MIS18A: variants seen among roughly 807,000 people sequenced by gnomAD.
The protein encoded by MIS18A is MIS18 kinetochore protein A.
Under a neutral mutation model 25.0 loss-of-function variants are expected in MIS18A, and 14 were observed. That is an observed-to-expected ratio of 0.56 (90% confidence interval 0.37 to 0.88). The LOEUF (loss-of-function observed/expected upper bound fraction) is 0.88, where lower values mean the gene tolerates loss of function less well. MIS18A is among the 40% of genes least tolerant of loss of function. The pLI is 0.00. For missense variants in MIS18A, 292 were observed against 290.8 expected (o/e 1.00, Z -0.03); for synonymous variants, 134 against 118.6 (o/e 1.13, Z -0.84).
chr21:32,176,222 C>T, the MIS18A span, among the ~76,000 whole-genome samples: 1 of 152,130 alleles, frequency 6.6e-6, no homozygotes, highest in Non-Finnish European at 1.5e-5. Flanking sequence ...TTATCATTAT[C>T]GAGTATTATG....
At chr21:32,269,671 TCATA>T in intron 4 of MIS18A, 32 bp downstream of exon 4, 3 of 1,286,258 alleles carry the variant, frequency 2.3e-6, no homozygotes, top group Non-Finnish European at 3.4e-6. Flanking sequence ...GACAAACTGT[TCATA>T]CAAAGATATA....
At chr21:32,219,792 A>C in the MIS18A span, among the ~76,000 whole-genome samples, 1 of 152,164 alleles carries the variant, frequency 6.6e-6, no homozygotes, top group Non-Finnish European at 1.5e-5. Flanking sequence ...TGGTGAGGGA[A>C]GGGGCATCCA....
the MIS18A span, among the ~76,000 whole-genome samples, chr21:32,212,561 T>C: frequency 6.6e-6 from 1 of 152,286 alleles, no homozygotes; most frequent in Non-Finnish European, 1.5e-5. Context: ...ACAGGGGCCC[T>C]TCTGGGTTTG....
the MIS18A span, among the ~76,000 whole-genome samples, chr21:32,227,641 AC>A: frequency 4.5e-3 from 691 of 152,316 alleles, 5 homozygotes; most frequent in African/African-American, 0.016. Flanking sequence ...AGAATACTTG[AC>A]GTCAATTCTT....
At chr21:32,206,298 GA>G in the MIS18A span, among the ~76,000 whole-genome samples, 6 of 152,208 alleles carry the variant, frequency 3.9e-5, no homozygotes, top group Admixed American at 1.3e-4. Flanking sequence ...TATATTGGGT[GA>G]GGGGGGATTA....
At chr21:32,244,431 G>C in the MIS18A span, among the ~76,000 whole-genome samples, 1 of 152,090 alleles carries the variant, frequency 6.6e-6, no homozygotes, top group Non-Finnish European at 1.5e-5. Context: ...GCCACAAAAA[G>C]CTGACTTTTA....
chr21:32,239,620 C>T, the MIS18A span, among the ~76,000 whole-genome samples: 1 of 152,154 alleles, frequency 6.6e-6, no homozygotes, highest in Admixed American at 6.5e-5. Context: ...TGCGAGCCGC[C>T]TCGGAAGAAA....
the MIS18A span, among the ~76,000 whole-genome samples, chr21:32,201,586 C>A: frequency 4.6e-5 from 7 of 152,150 alleles, no homozygotes; most frequent in South Asian, 1.5e-3. Context: ...TTTGGGAGGC[C>A]GAGGCGGGAA....
chr21:32,208,772 T>C, the MIS18A span, among the ~76,000 whole-genome samples: 2 of 151,796 alleles, frequency 1.3e-5, no homozygotes, highest in East Asian at 3.8e-4. Context: ...AGCATAAATG[T>C]GGATGTCATC....
the MIS18A span, among the ~76,000 whole-genome samples, chr21:32,234,341 G>A: frequency 1.3e-5 from 2 of 152,112 alleles, no homozygotes; most frequent in Non-Finnish European, 2.9e-5. Context: ...TCAGCCTTAC[G>A]GTCTTTCTTT....
chr21:32,209,839 C>G, the MIS18A span, among the ~76,000 whole-genome samples: 14 of 152,268 alleles, frequency 9.2e-5, no homozygotes, highest in East Asian at 2.5e-3. Context: ...GTCTGCTTCC[C>G]CTTCCACCAT....
the MIS18A span, among the ~76,000 whole-genome samples, chr21:32,206,773 A>C: frequency 6.6e-6 from 1 of 152,156 alleles, no homozygotes; most frequent in Non-Finnish European, 1.5e-5. Flanking sequence ...TGAGGTTATT[A>C]AAGGAGATCA....
the MIS18A span, among the ~76,000 whole-genome samples, chr21:32,206,345 T>G: frequency 6.6e-6 from 1 of 152,140 alleles, no homozygotes; most frequent in Non-Finnish European, 1.5e-5. Flanking sequence ...TCATCTAATC[T>G]CCAACTCCCT....
At chr21:32,257,064 G>T in the MIS18A span, among the ~76,000 whole-genome samples, 3 of 152,202 alleles carry the variant, frequency 2.0e-5, no homozygotes, top group Non-Finnish European at 2.9e-5. Flanking sequence ...ACTCTGTCCA[G>T]GGGCTGGCAT....
At chr21:32,179,179 T>C in the MIS18A span, among the ~76,000 whole-genome samples, 1 of 152,104 alleles carries the variant, frequency 6.6e-6, no homozygotes, top group South Asian at 2.1e-4. Flanking sequence ...AGTGTGATGT[T>C]ACTGGATTTC....
the MIS18A span, among the ~76,000 whole-genome samples, chr21:32,204,236 C>T: frequency 1.1e-4 from 16 of 152,026 alleles, no homozygotes; most frequent in South Asian, 1.5e-3. Context: ...CAGTGGCTCA[C>T]GCCTGCAATC....
At chr21:32,177,811 C>T in the MIS18A span, among the ~76,000 whole-genome samples, 1 of 152,004 alleles carries the variant, frequency 6.6e-6, no homozygotes, top group South Asian at 2.1e-4. Flanking sequence ...AGATGATGTT[C>T]ATGAATGGAA....
chr21:32,179,654 C>A, the MIS18A span, among the ~76,000 whole-genome samples: 5 of 152,178 alleles, frequency 3.3e-5, no homozygotes, highest in Non-Finnish European at 7.3e-5. Context: ...CTGCTATGTA[C>A]TGAGAGTTTC....
chr21:32,269,503 G>T, intron 4 of MIS18A: 1 of 510,958 alleles, frequency 2.0e-6, no homozygotes. Flanking sequence ...ATTTTGACAT[G>T]ACATGTCTTC....
Sources: gnomAD v4.1 joint callset for allele counts (sites outside exome capture counted in the v4.1 genomes callset) on GRCh38, gnomAD v4.1.1 for gene constraint, MANE v1.5 for transcripts, NCBI Gene and HGNC (gene_info 2026-07-23, HGNC 2026-07-21) for gene names.